The following PBX4 variants were observed in gnomAD, a reference collection of about 807,000 sequenced individuals.
PBX4 encodes pre-B-cell leukemia transcription factor 4.
In PBX4, 26 loss-of-function variants were observed where a neutral mutation model predicts 35.1. The ratio of observed to expected loss-of-function variants is 0.74; its 90% CI spans 0.54 to 1.03. The LOEUF (loss-of-function observed/expected upper bound fraction) is 1.03. Ranked by LOEUF, PBX4 falls within the 50% of genes least tolerant of loss-of-function variation. The pLI is 0.00. For missense variants in PBX4, 448 were observed against 504.3 expected (o/e 0.89, Z 1.07); for synonymous variants, 199 against 204.2 (o/e 0.97, Z 0.22).
chr19:19,563,798 C>T lies in PBX4; in HGVS notation c.926-183G>A. 1.7e-6 allele frequency: 1 copy of T among 581,626 alleles called. No homozygotes were observed. The highest frequency in any genetic ancestry group is 3.1e-6 in the Non-Finnish European group (1 of 322,252). The allele number at this position is 581,626 out of a possible 1,614,324, so 36.0% of individuals were successfully genotyped here. ...CCTCCCCACCACACTACTCATGTCC[C>T]CTCATGGCTTGTCTTTTTTTTTTCT... On this transcript the variant is annotated intron_variant, in intron 6 of 7. Coordinates refer to ENST00000251203, the MANE Select transcript of PBX4 (RefSeq NM_025245.3). This position sits in a 1 kb window ranked among gnomAD's most constrained non-coding sequence, Gnocchi z 5.1.
At chr19:19,580,422 C>T (rs1334371549) in intron 2 of PBX4, among the ~76,000 whole-genome samples, 1 of 152,136 alleles carries the variant, frequency 6.6e-6, no homozygotes, top group African/African-American at 2.4e-5. Context: ...GGCCTCCTGA[C>T]CAGTGACCCT....
intron 2 of PBX4, among the ~76,000 whole-genome samples, chr19:19,587,223 G>A (rs1028485232): frequency 3.3e-5 from 5 of 151,664 alleles, no homozygotes; most frequent in East Asian, 2.0e-4. Context: ...AAATAAACAC[G>A]AACTTTATTA....
chr19:19,578,387 A>G (rs2061433640), intron 2 of PBX4, among the ~76,000 whole-genome samples: 1 of 152,192 alleles, frequency 6.6e-6, no homozygotes, highest in East Asian at 1.9e-4. Flanking sequence ...CTCCCCGTAC[A>G]CTGATGCTGG....
At chr19:19,569,339 AGCCATGCCTGGC>A in intron 5 of PBX4, 98 bp downstream of exon 5, 5 of 1,371,896 alleles carry the variant, frequency 3.6e-6, no homozygotes, top group Non-Finnish European at 4.8e-6. Flanking sequence ...GGATTCCAGC[AGCCATGCCTGGC>A]CTCTGCACAC....
intron 1 of PBX4, among the ~76,000 whole-genome samples, chr19:19,610,623 C>T (rs1166197194): frequency 2.0e-5 from 3 of 151,756 alleles, no homozygotes; most frequent in African/African-American, 7.3e-5. Flanking sequence ...TGGTGGCTGG[C>T]GCATGCATGT....
At chr19:19,568,243 G>A (rs564326024) in intron 5 of PBX4, among the ~76,000 whole-genome samples, 5 of 144,858 alleles carry the variant, frequency 3.5e-5, no homozygotes, top group East Asian at 2.1e-4. Flanking sequence ...GTATCCCTCA[G>A]GGAGCTCACA....
rs776281962 is a variant in PBX4 at position 19,570,622 on chromosome 19, T to C, written c.405A>G (p.Arg135=). 6.2e-7 allele frequency: 1 copy of C among 1,614,224 alleles called. No individual in the cohort carries two copies. The highest frequency in any genetic ancestry group is 8.5e-7 in the Non-Finnish European group (1 of 1,180,038). Residue 135 remains arginine, a synonymous_variant, in exon 3 of 8, where the codon CGA becomes CGG. Coordinates refer to ENST00000251203, the MANE Select transcript of PBX4 (RefSeq NM_025245.3). ...TCTCTAGCTCAGAGTGGTAAATCTG[T>C]CGGATCTGGGACAGCTTGGCCCTGT... The part of the protein sequence containing the change: ...SDYRAKLSQI[R]QIYHSELEKY...
intron 6 of PBX4, 86 bp downstream of exon 6, chr19:19,564,847 T>G: frequency 6.6e-7 from 1 of 1,510,704 alleles, no homozygotes; most frequent in South Asian, 1.2e-5. Context: ...GGAAGGGAGA[T>G]GTGGTCCCAC....
rs201145035 is a variant in PBX4, at chr19:19,569,444, G to A, written c.768+5C>T. ...GTGGCGAGACGTGGCAGGAGAGAACGTCACCTGGGAGATGGTGAGGCCGCC... is the reference window on the plus strand; with the variant it reads ...GTGGCGAGACGTGGCAGGAGAGAACATCACCTGGGAGATGGTGAGGCCGCC... On this transcript the variant is annotated splice_donor_5th_base_variant and intron_variant, in intron 5 of 7. Coordinates refer to ENST00000251203, the MANE Select transcript of PBX4 (RefSeq NM_025245.3). 3.7e-5 allele frequency: 60 copies of A among 1,608,742 alleles called. No individual in the cohort carries two copies. In the East Asian group the frequency reaches 5.1e-4, roughly 14 times the overall value.
chr19:19,568,781 G>C (rs182789533), intron 5 of PBX4, among the ~76,000 whole-genome samples: 1 of 145,998 alleles, frequency 6.8e-6, no homozygotes, highest in Non-Finnish European at 1.5e-5. Flanking sequence ...CTCATACTCT[G>C]TCTGTATCCC....
chr19:19,562,257 GA>G lies in PBX4; in HGVS notation c.1033-141del. On this transcript the variant is annotated intron_variant, in intron 7 of 7. Transcript: ENST00000251203. This position sits in a 1 kb window ranked among gnomAD's most constrained non-coding sequence, Gnocchi z 4.8. The stretch of plus-strand genomic sequence containing the variant: ...ACAGATGACCTCCAGCTCAGTGGAG[GA>G]GGGAAGGGATGGAGGGGTCGGTCCT... 1.6e-6 allele frequency: 1 copy of G among 608,148 alleles called. No homozygotes were observed. The allele number at this position is 608,148 out of a possible 1,614,324, so 37.7% of individuals were successfully genotyped here.
intron 2 of PBX4, among the ~76,000 whole-genome samples, chr19:19,594,158 C>A (rs1335980003): frequency 6.6e-6 from 1 of 151,098 alleles, no homozygotes; most frequent in Non-Finnish European, 1.5e-5. Context: ...GTAATCCCAG[C>A]ACTTTGGGAG....
At chr19:19,565,497 A>T (rs2061336321) in intron 5 of PBX4, among the ~76,000 whole-genome samples, 1 of 152,256 alleles carries the variant, frequency 6.6e-6, no homozygotes, top group African/African-American at 2.4e-5. Context: ...GGGACCCAGT[A>T]ACTGCGATCG....
chr19:19,589,388 T>C (rs150778066), intron 2 of PBX4, among the ~76,000 whole-genome samples: 2,285 of 150,702 alleles, frequency 0.015, 81 homozygotes, highest in South Asian at 0.077. Context: ...GAGCCGAGAT[T>C]GCACCACTGC....
chr19:19,570,762 G>A lies in PBX4; in HGVS notation c.265C>T (p.Leu89=). The A allele has an allele frequency of 6.2e-7, 1 of 1,614,150 alleles. No homozygotes were observed. Among genetic ancestry groups the A allele is most frequent in the Non-Finnish European group, 8.5e-7 (1 of 1,180,040 alleles). ...AQLLRLDNML[L]AEGVCRPEKR... Reference sequence around the variant, plus strand: ...TCGGGCCTGCACACGCCCTCAGCCAGCAGCATGTTATCCAGCCTCAGGAGC... The same window carrying A: ...TCGGGCCTGCACACGCCCTCAGCCAACAGCATGTTATCCAGCCTCAGGAGC... Residue 89 remains leucine, a synonymous_variant, in exon 3 of 8, where the codon CTG becomes TTG. Coordinates refer to ENST00000251203, the MANE Select transcript of PBX4 (RefSeq NM_025245.3).
chr19:19,569,646 C>G, intron 4 of PBX4, 62 bp from the exon 5 acceptor site: 1 of 1,562,496 alleles, frequency 6.4e-7, no homozygotes, highest in Non-Finnish European at 8.7e-7. Flanking sequence ...ACCCCCACCT[C>G]TAGTTCTGAG....
chr19:19,605,750 G>A (rs1234945097), intron 1 of PBX4, among the ~76,000 whole-genome samples: 2 of 151,778 alleles, frequency 1.3e-5, no homozygotes, highest in African/African-American at 4.8e-5. Context: ...GATTACAGGC[G>A]TGAGCCTTGT....
chr19:19,588,587 C>G (rs566800944), intron 2 of PBX4, among the ~76,000 whole-genome samples: 1 of 151,448 alleles, frequency 6.6e-6, no homozygotes, highest in Non-Finnish European at 1.5e-5. Context: ...ATTTTTTCAT[C>G]TGAAGAAATG....
intron 6 of PBX4, among the ~76,000 whole-genome samples, chr19:19,564,109 A>G (rs1490290134): frequency 2.0e-5 from 3 of 150,272 alleles, no homozygotes; most frequent in Non-Finnish European, 4.4e-5. Context: ...GTCATCTAGC[A>G]TTAGGTATAT....
Sources: gnomAD v4.1 joint callset for allele counts (sites outside exome capture counted in the v4.1 genomes callset) on GRCh38, gnomAD v4.1.1 for gene constraint, Gnocchi (gnomAD v3.1) non-coding constraint, MANE v1.5 for transcripts, NCBI Gene and HGNC (gene_info 2026-07-23, HGNC 2026-07-21) for gene names.